Variants in CELSR1 observed in about 807,000 individuals in gnomAD.
CELSR1 encodes the protein adhesion G protein-coupled receptor C1.
CELSR1 carries 110 observed loss-of-function variants against 249.1 expected under a neutral mutation model. The ratio of observed to expected loss-of-function variants is 0.44; its 90% CI spans 0.38 to 0.52. CELSR1 has a LOEUF of 0.52. Ranked by LOEUF, CELSR1 falls within the 20% of genes least tolerant of loss-of-function variation. CELSR1 has a pLI of 0.00. For missense variants in CELSR1, 4,109 were observed against 4,296.4 expected (o/e 0.96, Z 1.22); for synonymous variants, 2,113 against 1,900.0 (o/e 1.11, Z -2.92).
In CELSR1 at chr22:46,464,697, GC is replaced by G. The variant is rs1223940015; in HGVS notation, c.3545-353del. ...GACCACCAGGATTCAGCCCCTCACT[GC>G]CTGAAACTCCTCACACGCTTTGGTT... is the stretch of plus-strand genomic sequence containing the variant. On this transcript the variant is annotated intron_variant, in intron 1 of 34. Transcript: ENST00000674500. The surrounding 1 kb of genome is among the most constrained non-coding windows in gnomAD (Gnocchi z 8.5). Among the ~76,000 whole-genome samples the G allele has an allele frequency of 2.0e-5, 3 of 152,066 alleles. No homozygotes were observed. Among genetic ancestry groups the G allele is most frequent in the Admixed American group, 6.5e-5 (1 of 15,268 alleles).
chr22:46,418,713 C>T (rs944908153), intron 5 of CELSR1, among the ~76,000 whole-genome samples: 39 of 152,266 alleles, frequency 2.6e-4, no homozygotes, highest in African/African-American at 7.2e-4. Flanking sequence ...AAGTAATGCA[C>T]GGTGCTATTA....
chr22:46,433,563 CA>C lies in CELSR1; in HGVS notation c.4523-83del. On this transcript the variant is annotated intron_variant, in intron 4 of 34. Coordinates refer to ENST00000674500, the MANE Select transcript of CELSR1 (RefSeq NM_001378328.1). The surrounding 1 kb of genome is among the most constrained non-coding windows in gnomAD (Gnocchi z 5.7). ...GACCGAGGATTGCGCTGTGAGGCAT[CA>C]GGGGGAGACAGGTGCACATGGCCAC... The C allele has an allele frequency of 2.9e-6, 3 of 1,026,978 alleles. No homozygotes were observed. Among genetic ancestry groups the C allele is most frequent in the East Asian group, 2.6e-5 (1 of 38,010 alleles). 63.6% of individuals were successfully genotyped at this position (1,026,978 alleles called of 1,614,324 possible).
Position 46,428,999 on chromosome 22 carries a change from C to G in CELSR1, c.4611+4394G>C, listed in dbSNP as rs1043862064. 6.6e-6 allele frequency among the ~76,000 whole-genome samples: 1 copy of G among 152,150 alleles called. No homozygotes were observed. Among genetic ancestry groups the G allele is most frequent in the East Asian group, 1.9e-4 (1 of 5,196 alleles). On this transcript the variant is annotated intron_variant, in intron 5 of 34. Transcript: ENST00000674500. The surrounding 1 kb of genome is among the most constrained non-coding windows in gnomAD (Gnocchi z 5.7). ...GGCCCCGTTAAACATCTTGCTGGCACGTCTGTGTCCCCGACCCTGCCAGGA... is the reference window on the plus strand; with the variant it reads ...GGCCCCGTTAAACATCTTGCTGGCAGGTCTGTGTCCCCGACCCTGCCAGGA...
rs1398798679 is a variant in CELSR1 at position 46,374,021 on chromosome 22, C to G, written c.7585-964G>C. 1.3e-5 allele frequency among the ~76,000 whole-genome samples: 2 copies of G among 152,144 alleles called. No homozygotes were observed. The highest frequency in any genetic ancestry group is 2.4e-5 in the African/African-American group (1 of 41,444). ...AGCCACCCTCCAGAAACAACGCCCC[C>G]GAGGTGGGGAGGGCCCCAAGTCAGC... On this transcript the variant is annotated intron_variant, in intron 24 of 34. Transcript: ENST00000674500. This position sits in a 1 kb window ranked among gnomAD's most constrained non-coding sequence, Gnocchi z 4.3.
rs1446243206 is a variant in CELSR1, at chr22:46,512,074, A to AC, written c.3544+21552dup. Among the ~76,000 whole-genome samples, 1 of 151,346 alleles carries AC rather than the reference A, an allele frequency of 6.6e-6. No individual in the cohort carries two copies. The highest frequency in any genetic ancestry group is 1.5e-5 in the Non-Finnish European group (1 of 67,834). ...TGGGGTCCTGAAGTGCCCCGAGCCCACCCCCAGATCCCAGCCCAGTGGCCC... is the reference window on the plus strand; with the variant it reads ...TGGGGTCCTGAAGTGCCCCGAGCCCACCCCCCAGATCCCAGCCCAGTGGCCC... On this transcript the variant is annotated intron_variant, in intron 1 of 34. Coordinates refer to ENST00000674500, the MANE Select transcript of CELSR1 (RefSeq NM_001378328.1). This position sits in a 1 kb window ranked among gnomAD's most constrained non-coding sequence, Gnocchi z 5.2.
chr22:46,386,650 C>T lies in CELSR1; in HGVS notation c.6556-65G>A, dbSNP rs1181636670. 4.3e-6 allele frequency: 6 copies of T among 1,387,092 alleles called. No homozygotes were observed. In the East Asian group the frequency reaches 1.6e-4, roughly 37 times the overall value. 85.9% of individuals were successfully genotyped at this position (1,387,092 alleles called of 1,614,324 possible). A position where few individuals can be genotyped will look rare whatever the true frequency, so the allele number is the denominator to read the frequency against. On this transcript the variant is annotated intron_variant, in intron 18 of 34. Transcript: ENST00000674500. Reference sequence around the variant, plus strand: ...GCCTGGCTCGTGGGACGGAGGGACACCTGCCCTGAAAGCCTTTGCTTGCCT... The same window carrying T: ...GCCTGGCTCGTGGGACGGAGGGACATCTGCCCTGAAAGCCTTTGCTTGCCT...
rs536622406 is a variant in CELSR1 at position 46,526,884 on chromosome 22, G to A, written c.3544+6743C>T. ...CACTCTCAAAGACGCCCAGCCACAC[G>A]GGGCCAAAAATGGCCTCACGTCTTC... On this transcript the variant is annotated intron_variant, in intron 1 of 34. Transcript: ENST00000674500. This position sits in a 1 kb window ranked among gnomAD's most constrained non-coding sequence, Gnocchi z 4.7. Among the ~76,000 whole-genome samples, 12 of 152,302 alleles carry A rather than the reference G, an allele frequency of 7.9e-5. No homozygotes were observed. Among genetic ancestry groups the A allele is most frequent in the Admixed American group, 7.2e-4 (11 of 15,304 alleles).
chr22:46,366,225 G>GCA, intron 30 of CELSR1, among the ~76,000 whole-genome samples, 161 bp downstream of exon 30: 2 of 54,930 alleles, frequency 3.6e-5, no homozygotes, highest in Non-Finnish European at 6.5e-5. Flanking sequence ...GAGGGAAGGT[G>GCA]CGGGGCAGGG....
rs1019023829 is a variant in CELSR1, at chr22:46,448,310, G to A, written c.4184-8899C>T. Among the ~76,000 whole-genome samples the A allele has an allele frequency of 1.7e-4, 26 of 152,304 alleles. No homozygotes were observed. The highest frequency in any genetic ancestry group is 1.3e-4 in the Non-Finnish European group (9 of 68,008). ...GGGTGGGGGCAGAGGGCCCACGCGAGGGGATGCTGATGTGAACCCCTGGCT... is the reference window on the plus strand; with the variant it reads ...GGGTGGGGGCAGAGGGCCCACGCGAAGGGATGCTGATGTGAACCCCTGGCT... On this transcript the variant is annotated intron_variant, in intron 2 of 34. Coordinates refer to ENST00000674500, the MANE Select transcript of CELSR1 (RefSeq NM_001378328.1). The surrounding 1 kb of genome is among the most constrained non-coding windows in gnomAD (Gnocchi z 5.7).
At position 46,517,829 on chromosome 22, in the gene CELSR1, G is replaced by A. The variant is rs934689066; in HGVS notation, c.3544+15798C>T. ...AGACCCAGAGGGAAAGGGAGGGTGA[G>A]CTGTCATCTGAAAGCACCCACCACC... On this transcript the variant is annotated intron_variant, in intron 1 of 34. Transcript: ENST00000674500. This position sits in a 1 kb window ranked among gnomAD's most constrained non-coding sequence, Gnocchi z 5.4. 6.6e-6 allele frequency among the ~76,000 whole-genome samples: 1 copy of A among 151,970 alleles called. No homozygotes were observed. Among genetic ancestry groups the A allele is most frequent in the African/African-American group, 2.4e-5 (1 of 41,372 alleles).
At chr22:46,377,037 G>C (rs2078925916) in intron 24 of CELSR1, 24 bp downstream of exon 24, 2 of 1,609,762 alleles carry the variant, frequency 1.2e-6, no homozygotes, top group African/African-American at 1.3e-5. Context: ...CCAGACAGTG[G>C]GGAGGGGAGC....
At chr22:46,415,416 C>G (rs972526681) in intron 5 of CELSR1, among the ~76,000 whole-genome samples, 1 of 152,158 alleles carries the variant, frequency 6.6e-6, no homozygotes, top group African/African-American at 2.4e-5. Flanking sequence ...TCCCGAAGTG[C>G]TGGGATTACA....
Position 46,410,399 on chromosome 22 carries a change from T to C in CELSR1, c.4932A>G (p.Glu1644=). The C allele has an allele frequency of 6.2e-7, 1 of 1,613,176 alleles. No individual in the cohort carries two copies. The highest frequency in any genetic ancestry group is 8.5e-7 in the Non-Finnish European group (1 of 1,179,388). The change falls in exon 7 of 35, where the codon GAA becomes GAG. Residue 1644 remains glutamate, a splice_region_variant and synonymous_variant. Coordinates refer to ENST00000674500, the MANE Select transcript of CELSR1 (RefSeq NM_001378328.1). The surrounding 1 kb of genome is among the most constrained non-coding windows in gnomAD (Gnocchi z 6.8). ...CGACGCCCTGACGGCCACCCGTACC[T>C]TCCCGGGTGCCATTGTTGGCGATGA... ...AGFIANNGTR[E]GCAARRNFCD...
chr22:46,474,078 T>G (rs529742035), intron 1 of CELSR1, among the ~76,000 whole-genome samples: 1 of 152,102 alleles, frequency 6.6e-6, no homozygotes, highest in African/African-American at 2.4e-5. Context: ...AGCACGAGCG[T>G]CTCCAGCAAG....
intron 19 of CELSR1, 140 bp from the exon 20 acceptor site, chr22:46,384,826 G>T: frequency 1.1e-6 from 1 of 933,828 alleles, no homozygotes; most frequent in Non-Finnish European, 1.5e-6. Flanking sequence ...GTCTCGCAGT[G>T]TCTCCCAGGC....
chr22:46,416,614 A>G (rs553338213), intron 5 of CELSR1, among the ~76,000 whole-genome samples: 1 of 152,326 alleles, frequency 6.6e-6, no homozygotes, highest in East Asian at 1.9e-4. Context: ...AGGAAAAGCC[A>G]CATGCTCACT....
At position 46,381,347 on chromosome 22, in the gene CELSR1, G is replaced by C. The variant is rs1239240548; in HGVS notation, c.7089-392C>G. Among the ~76,000 whole-genome samples, 12 of 152,330 alleles carry C rather than the reference G, an allele frequency of 7.9e-5. 1 individual carries two copies. The highest frequency in any genetic ancestry group is 5.9e-4 in the Admixed American group (9 of 15,308). On this transcript the variant is annotated intron_variant, in intron 21 of 34. Coordinates refer to ENST00000674500, the MANE Select transcript of CELSR1 (RefSeq NM_001378328.1). The surrounding 1 kb of genome is among the most constrained non-coding windows in gnomAD (Gnocchi z 6.0). Reference sequence around the variant, plus strand: ...CAGTCACTGAGAACCACGTGAACACGAGGATCCCAGAGCCAGGGAAGTATC... The same window carrying C: ...CAGTCACTGAGAACCACGTGAACACCAGGATCCCAGAGCCAGGGAAGTATC...
At position 46,429,677 on chromosome 22, in the gene CELSR1, G is replaced by A. The variant is rs1254947253; in HGVS notation, c.4611+3716C>T. On this transcript the variant is annotated intron_variant, in intron 5 of 34. Transcript: ENST00000674500. The surrounding 1 kb of genome is among the most constrained non-coding windows in gnomAD (Gnocchi z 4.1). ...CTACCCCATGGCTTCTGGTGGCTTTGGCCAGTGGGGAGCCAGACGGGAGGA... is the reference window on the plus strand; with the variant it reads ...CTACCCCATGGCTTCTGGTGGCTTTAGCCAGTGGGGAGCCAGACGGGAGGA... 2.0e-5 allele frequency among the ~76,000 whole-genome samples: 3 copies of A among 152,204 alleles called. No homozygotes were observed. Among genetic ancestry groups the A allele is most frequent in the African/African-American group, 7.2e-5 (3 of 41,450 alleles).
chr22:46,536,583 C>G lies in CELSR1; in HGVS notation c.588G>C (p.Val196=). 3 of 1,212,850 alleles carry G rather than the reference C, an allele frequency of 2.5e-6. No homozygotes were observed. Among genetic ancestry groups the G allele is most frequent in the Non-Finnish European group, 3.1e-6 (3 of 978,596 alleles). The allele number at this position is 1,212,850 out of a possible 1,614,324, so 75.1% of individuals were successfully genotyped here. Residue 196 remains valine (V), a synonymous_variant, in exon 1 of 35, where the codon GTG becomes GTC. Coordinates refer to ENST00000674500, the MANE Select transcript of CELSR1 (RefSeq NM_001378328.1). The part of the protein sequence containing the change: ...ALRRAAGAVR[V]GLALEAATAG... ...CGGTGGCGGCCTCCAGCGCCAGTCCCACCCGGACGGCGCCAGCCGCGCGCC... is the reference window on the plus strand; with the variant it reads ...CGGTGGCGGCCTCCAGCGCCAGTCCGACCCGGACGGCGCCAGCCGCGCGCC...
Sources: gnomAD v4.1 joint callset for allele counts (sites outside exome capture counted in the v4.1 genomes callset) on GRCh38, gnomAD v4.1.1 for gene constraint, Gnocchi (gnomAD v3.1) non-coding constraint, MANE v1.5 for transcripts, NCBI Gene and HGNC (gene_info 2026-07-23, HGNC 2026-07-21) for gene names.